Variants in GALNT18 observed in about 807,000 individuals in gnomAD.
GALNT18 encodes GalNAc-transferase 18.
Under a neutral mutation model 69.5 loss-of-function variants are expected in GALNT18, and 44 were observed. The ratio of observed to expected loss-of-function variants is 0.63; its 90% CI spans 0.50 to 0.81. The LOEUF is 0.81. GALNT18 is among the 40% of genes least tolerant of loss of function. The pLI, the probability that GALNT18 is intolerant of heterozygous loss-of-function variation, is 0.00. For missense variants in GALNT18, 715 were observed against 810.0 expected (o/e 0.88, Z 1.42); for synonymous variants, 364 against 318.2 (o/e 1.14, Z -1.53).
intron 1 of GALNT18, among the ~76,000 whole-genome samples, chr11:11,552,970 G>A (rs1453213607): frequency 6.6e-6 from 1 of 152,122 alleles, no homozygotes; most frequent in Non-Finnish European, 1.5e-5. Context: ...CCCATGCAAG[G>A]GTCTCAGCCC....
At chr11:11,609,724 T>C (rs1342558799) in intron 1 of GALNT18, among the ~76,000 whole-genome samples, 1 of 152,148 alleles carries the variant, frequency 6.6e-6, no homozygotes, top group Non-Finnish European at 1.5e-5. Flanking sequence ...CACACCACAA[T>C]AAACAATGCC....
At chr11:11,561,229 C>A (rs1455031894) in intron 1 of GALNT18, among the ~76,000 whole-genome samples, 2 of 152,108 alleles carry the variant, frequency 1.3e-5, no homozygotes, top group Non-Finnish European at 1.5e-5. Flanking sequence ...AAATAAACTC[C>A]CTCTGAGCCT....
chr11:11,467,097 G>A (rs1856169803), intron 1 of GALNT18, among the ~76,000 whole-genome samples: 1 of 152,176 alleles, frequency 6.6e-6, no homozygotes. Context: ...CGAACCTGGG[G>A]CCCGGGAGGC....
At position 11,432,673 on chromosome 11, in the gene GALNT18, C is replaced by G; in HGVS notation, c.543G>C (p.Thr181=). The change falls in exon 3 of 11, where the codon ACG becomes ACC. Residue 181 remains threonine, a synonymous_variant. Coordinates refer to ENST00000227756, the MANE Select transcript of GALNT18 (RefSeq NM_198516.3). This position sits in a 1 kb window ranked among gnomAD's most constrained non-coding sequence, Gnocchi z 5.8. ...LRSIHSAMER[T]PPHLLKEIIL... ...TGATCTCCTTGAGCAGATGTGGGGGCGTGCGTTCCATGGCCGAGTGGATGG... is the reference window on the plus strand; with the variant it reads ...TGATCTCCTTGAGCAGATGTGGGGGGGTGCGTTCCATGGCCGAGTGGATGG... 1.9e-6 allele frequency: 3 copies of G among 1,612,590 alleles called. No individual in the cohort carries two copies. The South Asian group carries it at 3.3e-5, about 18-fold the overall frequency.
At chr11:11,474,092 T>C (rs1856334913) in intron 1 of GALNT18, among the ~76,000 whole-genome samples, 1 of 152,024 alleles carries the variant, frequency 6.6e-6, no homozygotes, top group African/African-American at 2.4e-5. Context: ...ACAAAACCGA[T>C]GTTAATAAAA....
chr11:11,405,557 C>A (rs1854571136), intron 3 of GALNT18, among the ~76,000 whole-genome samples: 1 of 152,074 alleles, frequency 6.6e-6, no homozygotes, highest in Non-Finnish European at 1.5e-5. Flanking sequence ...GCAAAGAGAA[C>A]CACATAGAAG....
intron 6 of GALNT18, among the ~76,000 whole-genome samples, chr11:11,367,918 G>T (rs1850807775): frequency 6.6e-6 from 1 of 152,104 alleles, no homozygotes; most frequent in Admixed American, 6.6e-5. Context: ...CTGTTACTAA[G>T]ATCATTAACA....
intron 1 of GALNT18, among the ~76,000 whole-genome samples, chr11:11,558,705 C>T (rs1291621473): frequency 6.6e-6 from 1 of 152,272 alleles, no homozygotes; most frequent in South Asian, 2.1e-4. Flanking sequence ...TGGATTTCCA[C>T]AGCTTCCCTG....
chr11:11,511,232 C>A lies in GALNT18; in HGVS notation c.236-62296G>T, dbSNP rs1857157867. 6.6e-6 allele frequency among the ~76,000 whole-genome samples: 1 copy of A among 152,198 alleles called. No homozygotes were observed. The highest frequency in any genetic ancestry group is 1.5e-5 in the Non-Finnish European group (1 of 68,028). On this transcript the variant is annotated intron_variant, in intron 1 of 10. Coordinates refer to ENST00000227756, the MANE Select transcript of GALNT18 (RefSeq NM_198516.3). The surrounding 1 kb of genome is among the most constrained non-coding windows in gnomAD (Gnocchi z 4.9). ...GCATTCAGGAGCTGAATCATGGAAT[C>A]CCAGCCAAAGAATCTGCTGAAGACT...
Position 11,346,363 on chromosome 11 carries a change from C to T in GALNT18, c.1093-5359G>A, listed in dbSNP as rs1414201343. On this transcript the variant is annotated intron_variant, in intron 6 of 10. Transcript: ENST00000227756. ...GAGTCCTGGGCTTTCACTGACTATA[C>T]AGGCATGGTTTTAACTAGCTCAGCG... Among the ~76,000 whole-genome samples the T allele has an allele frequency of 2.0e-5, 3 of 152,276 alleles. No homozygotes were observed. In the South Asian group the frequency reaches 6.2e-4, roughly 32 times the overall value.
chr11:11,294,811 T>C (rs2133008147), intron 9 of GALNT18, among the ~76,000 whole-genome samples: 1 of 152,272 alleles, frequency 6.6e-6, no homozygotes, highest in Non-Finnish European at 1.5e-5. Context: ...CTTAGGGTTC[T>C]GTGAACTCTT....
intron 2 of GALNT18, among the ~76,000 whole-genome samples, chr11:11,437,305 A>C (rs1855425087): frequency 6.6e-6 from 1 of 152,154 alleles, no homozygotes; most frequent in African/African-American, 2.4e-5. Context: ...TTCTTGTTGA[A>C]AGCTGAGCCA....
intron 2 of GALNT18, among the ~76,000 whole-genome samples, chr11:11,447,885 G>T (rs564965550): frequency 6.1e-4 from 93 of 152,322 alleles, no homozygotes; most frequent in African/African-American, 2.2e-3. Flanking sequence ...CCTGTGTCTA[G>T]ACTATGCTGG....
rs1395812617 is a variant in GALNT18 at position 11,604,583 on chromosome 11, G to T, written c.235+16776C>A. Among the ~76,000 whole-genome samples, 1 of 152,194 alleles carries T rather than the reference G, an allele frequency of 6.6e-6. No individual in the cohort carries two copies. The highest frequency in any genetic ancestry group is 1.5e-5 in the Non-Finnish European group (1 of 68,042). On this transcript the variant is annotated intron_variant, in intron 1 of 10. Transcript: ENST00000227756. The surrounding 1 kb of genome is among the most constrained non-coding windows in gnomAD (Gnocchi z 5.6). ...ACCAAGTCTGCATGGCGGAGAGAAG[G>T]GTGATGTGGATCAGAATGCAGCCTT...
intron 6 of GALNT18, among the ~76,000 whole-genome samples, chr11:11,370,248 G>A (rs977472306): frequency 1.3e-5 from 2 of 152,212 alleles, no homozygotes; most frequent in African/African-American, 4.8e-5. Flanking sequence ...CTGCTTAAGA[G>A]AAGGGTGAAA....
intron 1 of GALNT18, among the ~76,000 whole-genome samples, chr11:11,579,316 T>C (rs1313256927): frequency 2.6e-5 from 4 of 152,204 alleles, no homozygotes; most frequent in African/African-American, 9.6e-5. Flanking sequence ...ACTCTAGGTT[T>C]GACCAGGACT....
intron 1 of GALNT18, among the ~76,000 whole-genome samples, chr11:11,486,520 A>G (rs1856648673): frequency 2.0e-5 from 3 of 152,240 alleles, no homozygotes; most frequent in Admixed American, 2.0e-4. Flanking sequence ...TCATAGTACT[A>G]GACAGGTTGA....
At chr11:11,581,246 A>C (rs930691802) in intron 1 of GALNT18, among the ~76,000 whole-genome samples, 3 of 152,144 alleles carry the variant, frequency 2.0e-5, no homozygotes, top group Non-Finnish European at 2.9e-5. Context: ...ATAAGTACAG[A>C]GCAGAAGAGA....
chr11:11,296,612 G>T (rs566532284), intron 9 of GALNT18, among the ~76,000 whole-genome samples: 2 of 152,312 alleles, frequency 1.3e-5, no homozygotes, highest in South Asian at 4.1e-4. Context: ...GGCTACTCAG[G>T]TAACAGCTGA....
Sources: gnomAD v4.1 joint callset for allele counts (sites outside exome capture counted in the v4.1 genomes callset) on GRCh38, gnomAD v4.1.1 for gene constraint, Gnocchi (gnomAD v3.1) non-coding constraint, MANE v1.5 for transcripts, NCBI Gene and HGNC (gene_info 2026-07-23, HGNC 2026-07-21) for gene names.